The following DENND4C variants were observed in gnomAD, a reference collection of about 807,000 sequenced individuals.
DENND4C encodes the protein DENN domain containing 4C.
DENND4C carries 108 observed loss-of-function variants against 203.0 expected under a neutral mutation model. That is an observed-to-expected ratio of 0.53 (90% CI 0.46 to 0.62). The LOEUF is 0.62. DENND4C is among the 20% of genes least tolerant of loss of function. The probability of loss-of-function intolerance (pLI) is 0.00; values close to 1 mark genes in which losing one functional copy is unlikely to be tolerated. For synonymous variants in DENND4C, 871 were observed against 792.4 expected, an observed-to-expected ratio of 1.10 and a Z score of -1.67; for missense variants, 2,481 against 2,301.2, an observed-to-expected ratio of 1.08 and a Z score of -1.60.
chr9:19,262,986 T>C (rs997332968), intron 1 of DENND4C, among the ~76,000 whole-genome samples: 4 of 152,218 alleles, frequency 2.6e-5, no homozygotes, highest in African/African-American at 9.6e-5. Context: ...AATAACAGTA[T>C]TGAAAGTGGG....
intron 2 of DENND4C, among the ~76,000 whole-genome samples, chr9:19,282,708 C>CTT (rs1834335923): frequency 9.5e-6 from 1 of 104,774 alleles, no homozygotes. Flanking sequence ...TTCTTTTTTT[C>CTT]TTCTCTCTTT....
intron 10 of DENND4C, among the ~76,000 whole-genome samples, chr9:19,312,672 G>T (rs114539868): frequency 2.6e-5 from 4 of 152,142 alleles, no homozygotes; most frequent in African/African-American, 9.7e-5. Flanking sequence ...CAGTGTGATG[G>T]TGGATTTGTC....
rs1402330794 is a variant in DENND4C, at chr9:19,290,879, A to G, written c.801+3A>G. 11 of 1,612,112 alleles carry G rather than the reference A, an allele frequency of 6.8e-6. No homozygotes were observed. The highest frequency in any genetic ancestry group is 3.3e-5 in the Admixed American group (2 of 59,810). ...TGACAGGTTCTTCAGCCAAAAAGGT[A>G]TGTTTTTGTCTCATTGATTAAACAC... is the stretch of plus-strand genomic sequence containing the variant. On this transcript the variant is annotated splice_donor_region_variant and intron_variant, in intron 5 of 32. Coordinates refer to ENST00000434457, the MANE Select transcript of DENND4C (RefSeq NM_001330640.2).
chr9:19,353,141 G>A (rs1227978930), intron 26 of DENND4C, among the ~76,000 whole-genome samples: 1 of 152,154 alleles, frequency 6.6e-6, no homozygotes, highest in Non-Finnish European at 1.5e-5. Flanking sequence ...CTTGTCACTT[G>A]CACGTCCTAG....
Position 19,360,412 on chromosome 9 carries a change from T to C in DENND4C, c.5329T>C (p.Tyr1777His). The C allele has an allele frequency of 6.2e-7, 1 of 1,614,132 alleles. No individual in the cohort carries two copies. Among genetic ancestry groups the C allele is most frequent in the Non-Finnish European group, 8.5e-7 (1 of 1,179,990 alleles). The change falls in exon 29 of 33, where the codon TAT becomes CAT. Residue 1777 changes from tyrosine to histidine, a missense_variant. Physicochemically the swap from Tyr to His is moderately conservative, Grantham distance 83. This residue lies in a region of DENND4C where 2,289 missense variants were observed against 2,113.3 expected (regional missense o/e 1.08). Transcript: ENST00000434457. ...AATCATTTTCTGGAACCTCGTTTGG[T>C]ATTTCAGACGTTTGGACCTTCCTAG... is the stretch of plus-strand genomic sequence containing the variant. The part of the protein sequence containing the change: ...HPIIFWNLVW[Y>H]FRRLDLPSNL...
intron 9 of DENND4C, among the ~76,000 whole-genome samples, chr9:19,302,234 C>G (rs1838738399): frequency 6.6e-6 from 1 of 152,144 alleles, no homozygotes; most frequent in Non-Finnish European, 1.5e-5. Flanking sequence ...GGTTACAAAA[C>G]AAATGCATCA....
intron 4 of DENND4C, among the ~76,000 whole-genome samples, chr9:19,289,047 C>G (rs972089100): frequency 3.3e-5 from 5 of 152,168 alleles, no homozygotes; most frequent in African/African-American, 1.2e-4. Flanking sequence ...CTTCTCTTAT[C>G]TCTTTGTGTC....
chr9:19,310,705 G>A (rs934755852), intron 10 of DENND4C, among the ~76,000 whole-genome samples: 1 of 151,980 alleles, frequency 6.6e-6, no homozygotes, highest in Admixed American at 6.5e-5. Flanking sequence ...TCTTATAGTT[G>A]ATAAGCGTTG....
intron 10 of DENND4C, among the ~76,000 whole-genome samples, chr9:19,313,190 T>C (rs1369506841): frequency 1.3e-5 from 2 of 152,208 alleles, no homozygotes; most frequent in Non-Finnish European, 2.9e-5. Flanking sequence ...ATATGGGTAC[T>C]TAGAACTTAA....
chr9:19,270,822 A>G (rs531784870), intron 1 of DENND4C, among the ~76,000 whole-genome samples: 20 of 152,378 alleles, frequency 1.3e-4, no homozygotes, highest in African/African-American at 4.1e-4. Context: ...CACATACATT[A>G]TGTGGAAAGT....
intron 24 of DENND4C, among the ~76,000 whole-genome samples, chr9:19,351,582 G>T (rs527327260): frequency 6.6e-6 from 1 of 152,158 alleles, no homozygotes; most frequent in South Asian, 2.1e-4. Flanking sequence ...CAAGGCGGGT[G>T]GATTGCCTGA....
At chr9:19,337,582 G>C in intron 20 of DENND4C, 1 of 1,246,304 alleles carries the variant, frequency 8.0e-7, no homozygotes, top group South Asian at 1.4e-5. Context: ...GTCCTTGGCT[G>C]TCATGGTGTG....
intron 1 of DENND4C, among the ~76,000 whole-genome samples, chr9:19,272,185 C>A (rs768897659): frequency 1.3e-5 from 2 of 151,470 alleles, no homozygotes; most frequent in African/African-American, 4.8e-5. Flanking sequence ...TTTGGGAGGC[C>A]AAGGTGGGCG....
At chr9:19,355,863 G>T (rs1825279826) in intron 26 of DENND4C, among the ~76,000 whole-genome samples, 1 of 151,986 alleles carries the variant, frequency 6.6e-6, no homozygotes, top group African/African-American at 2.4e-5. Flanking sequence ...TTATCTGTGA[G>T]CCTGGTATAT....
chr9:19,336,185 A>ATAT, intron 18 of DENND4C, 85 bp from the exon 19 acceptor site: 2 of 1,223,750 alleles, frequency 1.6e-6, no homozygotes, highest in African/African-American at 1.6e-5. Flanking sequence ...ATATATATAT[A>ATAT]AACATACACA....
chr9:19,330,069 G>A (rs1362597161), intron 16 of DENND4C, among the ~76,000 whole-genome samples: 1 of 152,062 alleles, frequency 6.6e-6, no homozygotes, highest in East Asian at 1.9e-4. Context: ...ATTTCATACA[G>A]TTCATATTTC....
chr9:19,265,657 A>G (rs1204772528), intron 1 of DENND4C, among the ~76,000 whole-genome samples: 3 of 151,836 alleles, frequency 2.0e-5, no homozygotes, highest in Non-Finnish European at 2.9e-5. Flanking sequence ...CCTGTGTCCA[A>G]GTGTTCTTAT....
rs201638063 is a variant in DENND4C, at chr9:19,326,317, G to A, written c.2120+123G>A. 1.6e-4 allele frequency: 155 copies of A among 984,172 alleles called. No individual in the cohort carries two copies. The East Asian group carries it at 4.0e-3, about 26-fold the overall frequency. The allele number at this position is 984,172 out of a possible 1,614,324, so 61.0% of individuals were successfully genotyped here. On this transcript the variant is annotated intron_variant, in intron 15 of 32. Coordinates refer to ENST00000434457, the MANE Select transcript of DENND4C (RefSeq NM_001330640.2). ...TTCAGTATTAGTTCAGTGAACTAAT[G>A]TAGATAAATATTTTATGGAAATGCC...
intron 30 of DENND4C, among the ~76,000 whole-genome samples, chr9:19,363,739 G>A (rs995144481): frequency 1.7e-4 from 26 of 151,434 alleles, no homozygotes; most frequent in East Asian, 2.0e-4. Context: ...GGCCTGGCAC[G>A]GTGGCTCATG....
Sources: allele counts gnomAD v4.1 joint callset (sites outside exome capture counted in the v4.1 genomes callset), GRCh38; gene constraint gnomAD v4.1.1; regional missense constraint gnomAD v4.1.1; transcripts MANE v1.5; gene names NCBI Gene and HGNC (gene_info 2026-07-23, HGNC 2026-07-21).